PAX2: variants seen among roughly 807,000 people sequenced by gnomAD.
PAX2 encodes the protein paired box 2.
In PAX2, 9 loss-of-function variants were observed where a neutral mutation model predicts 41.7. The observed-to-expected ratio is 0.22, with a 90% confidence interval of 0.13 to 0.38. The LOEUF (loss-of-function observed/expected upper bound fraction) is 0.38, where lower values mean the gene tolerates loss of function less well. PAX2 is among the 10% of genes least tolerant of loss of function. The probability of loss-of-function intolerance (pLI) is 1.00; values close to 1 mark genes in which losing one functional copy is unlikely to be tolerated. For missense variants in PAX2, 418 were observed against 531.6 expected (o/e 0.79, Z 2.10); for synonymous variants, 221 against 212.7 (o/e 1.04, Z -0.34).
chr10:100,776,625 C>T (rs898397582), intron 3 of PAX2, among the ~76,000 whole-genome samples: 2 of 152,188 alleles, frequency 1.3e-5, no homozygotes, highest in African/African-American at 4.8e-5. Context: ...TAAATCCATA[C>T]CTCTGTGTGC....
intron 5 of PAX2, among the ~76,000 whole-genome samples, chr10:100,798,002 G>A (rs1847397989): frequency 6.6e-6 from 1 of 151,504 alleles, no homozygotes; most frequent in Non-Finnish European, 1.5e-5. Flanking sequence ...GCTTGGTCAA[G>A]TACAGCAGGT....
At chr10:100,815,341 T>G (rs962448275) in intron 7 of PAX2, among the ~76,000 whole-genome samples, 4 of 152,092 alleles carry the variant, frequency 2.6e-5, no homozygotes, top group Non-Finnish European at 5.9e-5. Context: ...GGCACAGACA[T>G]CATAGTTCCT....
chr10:100,785,483 G>A (rs1182287510), intron 5 of PAX2, among the ~76,000 whole-genome samples: 1 of 152,184 alleles, frequency 6.6e-6, no homozygotes, highest in Non-Finnish European at 1.5e-5. Flanking sequence ...CCAAGCTGGT[G>A]CAGTTGTGCG....
upstream of PAX2, among the ~76,000 whole-genome samples, chr10:100,742,430 G>T (rs1844992447): frequency 6.6e-6 from 1 of 151,810 alleles, no homozygotes; most frequent in Admixed American, 6.6e-5. Flanking sequence ...CAGGCCGGCA[G>T]TAGCTCGGCC....
At chr10:100,807,021 A>G (rs1051116416) in intron 6 of PAX2, among the ~76,000 whole-genome samples, 1 of 151,954 alleles carries the variant, frequency 6.6e-6, no homozygotes, top group Admixed American at 6.5e-5. Flanking sequence ...CAGAAAGTCT[A>G]CGCTAGACTG....
chr10:100,787,638 T>C (rs1846923410), intron 5 of PAX2, among the ~76,000 whole-genome samples: 1 of 152,068 alleles, frequency 6.6e-6, no homozygotes, highest in African/African-American at 2.4e-5. Context: ...AGGGCCTCGG[T>C]ATCAGCCTCA....
intron 7 of PAX2, among the ~76,000 whole-genome samples, chr10:100,810,953 C>T (rs1308426611): frequency 6.6e-6 from 1 of 152,064 alleles, no homozygotes; most frequent in African/African-American, 2.4e-5. Context: ...TCATTTCAGA[C>T]CCAGCTTGAC....
chr10:100,735,940 T>C (rs10883537), intron 1 of PAX2, among the ~76,000 whole-genome samples: 36,317 of 152,260 alleles, frequency 0.24, 4,614 homozygotes, highest in South Asian at 0.3. Context: ...CTGAAAACTT[T>C]CCACTCAGAA....
chr10:100,824,353 T>TACACATACAC lies in PAX2; in HGVS notation c.920-290_920-289insTACACACACA, dbSNP rs1848468850. ...GCACAGAGACACAGGCAAAGGCAGA[T>TACACATACAC]ACACACACACACACACACACACACA... On this transcript the variant is annotated intron_variant, in intron 7 of 9. Coordinates refer to ENST00000355243, the MANE Select transcript of PAX2 (RefSeq NM_000278.5). This position sits in a 1 kb window ranked among gnomAD's most constrained non-coding sequence, Gnocchi z 6.6. Among the ~76,000 whole-genome samples, 1 of 135,474 alleles carries TACACATACAC rather than the reference T, an allele frequency of 7.4e-6. No homozygotes were observed. The highest frequency in any genetic ancestry group is 1.6e-5 in the Non-Finnish European group (1 of 63,058). 88.9% of individuals were successfully genotyped at this position (135,474 alleles called of 152,430 possible).
Position 100,828,669 on chromosome 10 carries a change from C to G in PAX2, c.*1050C>G. On this transcript the variant is annotated 3_prime_UTR_variant, in exon 10 of 10. Coordinates refer to ENST00000355243, the MANE Select transcript of PAX2 (RefSeq NM_000278.5). The surrounding 1 kb of genome is among the most constrained non-coding windows in gnomAD (Gnocchi z 6.5). ...CTCTCAATCTGCCGGTGGTAAGAAC[C>G]GGTTCTGAGCTGGCGTCTGAGCTGC... The G allele has an allele frequency of 4.3e-6, 1 of 233,368 alleles. No individual in the cohort carries two copies. Among genetic ancestry groups the G allele is most frequent in the Non-Finnish European group, 8.5e-6 (1 of 118,028 alleles). 14.5% of individuals were successfully genotyped at this position (233,368 alleles called of 1,614,324 possible).
At chr10:100,788,884 A>T (rs1413782080) in intron 5 of PAX2, among the ~76,000 whole-genome samples, 1 of 151,966 alleles carries the variant, frequency 6.6e-6, no homozygotes, top group East Asian at 1.9e-4. Flanking sequence ...CCCGACACAC[A>T]TACATGCACA....
intron 1 of PAX2, among the ~76,000 whole-genome samples, chr10:100,740,286 G>A (rs1844907511): frequency 6.6e-6 from 1 of 152,186 alleles, no homozygotes; most frequent in Admixed American, 6.5e-5. Context: ...GGGGTGGGCA[G>A]TGAGGAATTT....
chr10:100,793,029 G>A (rs1004725215), intron 5 of PAX2, among the ~76,000 whole-genome samples: 2 of 152,144 alleles, frequency 1.3e-5, no homozygotes, highest in Non-Finnish European at 2.9e-5. Flanking sequence ...TACTTAGGGC[G>A]GCCTGGTATG....
intron 5 of PAX2, among the ~76,000 whole-genome samples, chr10:100,804,506 A>G (rs1847689320): frequency 6.6e-6 from 1 of 152,208 alleles, no homozygotes; most frequent in Non-Finnish European, 1.5e-5. Context: ...GGAGGGCTCC[A>G]GGAAGGGAGA....
rs1265500125 is a variant in PAX2, at chr10:100,750,993, C to T, written c.410+102C>T. The T allele has an allele frequency of 1.1e-6, 1 of 922,232 alleles. No individual in the cohort carries two copies. The highest frequency in any genetic ancestry group is 1.8e-6 in the Non-Finnish European group (1 of 568,982). 57.1% of individuals were successfully genotyped at this position (922,232 alleles called of 1,614,324 possible). ...CTCTGCTCTTTGTCCAGCCTCTGCC[C>T]TTTCTCCCTGCTTCCAGCCCCAAAT... On this transcript the variant is annotated intron_variant, in intron 3 of 9. Transcript: ENST00000355243. The surrounding 1 kb of genome is among the most constrained non-coding windows in gnomAD (Gnocchi z 4.1).
chr10:100,827,714 G>A lies in PAX2; in HGVS notation c.*95G>A. On this transcript the variant is annotated 3_prime_UTR_variant, in exon 10 of 10. Transcript: ENST00000355243. The surrounding 1 kb of genome is among the most constrained non-coding windows in gnomAD (Gnocchi z 8.5). ...CCCCGGAGGGAGGGAGGACCGACGC[G>A]ACGCGATGCCTCCCGGCCACCGCCC... is the stretch of plus-strand genomic sequence containing the variant. 6.2e-7 allele frequency: 1 copy of A among 1,607,144 alleles called. No homozygotes were observed. Among genetic ancestry groups the A allele is most frequent in the Non-Finnish European group, 8.5e-7 (1 of 1,175,902 alleles).
chr10:100,756,755 G>C (rs989867275), intron 3 of PAX2, among the ~76,000 whole-genome samples: 1 of 152,054 alleles, frequency 6.6e-6, no homozygotes, highest in South Asian at 2.1e-4. Flanking sequence ...ATGCTCATCC[G>C]ACCTGCCAGT....
At position 100,748,923 on chromosome 10, in the gene PAX2, GC is replaced by G. The variant is rs1261867591; in HGVS notation, c.44-822del. On this transcript the variant is annotated intron_variant, in intron 1 of 9. Coordinates refer to ENST00000355243, the MANE Select transcript of PAX2 (RefSeq NM_000278.5). The surrounding 1 kb of genome is among the most constrained non-coding windows in gnomAD (Gnocchi z 5.0). The stretch of plus-strand genomic sequence containing the variant: ...GGGCGAGACGGTGGGCCCCAACCAG[GC>G]TCTGCGAGGCGCGGCAGGCAGGCGA... 3.0e-6 allele frequency: 3 copies of G among 985,284 alleles called. No homozygotes were observed. The highest frequency in any genetic ancestry group is 3.6e-6 in the Non-Finnish European group (3 of 829,946). The allele number at this position is 985,284 out of a possible 1,614,324, so 61.0% of individuals were successfully genotyped here.
intron 5 of PAX2, among the ~76,000 whole-genome samples, chr10:100,798,128 T>C (rs12769015): frequency 0.19 from 20,848 of 108,438 alleles, 1,498 homozygotes; most frequent in Middle Eastern, 0.39. Flanking sequence ...TTTTTTTTTT[T>C]AGACAGGGTC....
Sources: gnomAD v4.1 joint callset for allele counts (sites outside exome capture counted in the v4.1 genomes callset) on GRCh38, gnomAD v4.1.1 for gene constraint, Gnocchi (gnomAD v3.1) non-coding constraint, MANE v1.5 for transcripts, NCBI Gene and HGNC (gene_info 2026-07-23, HGNC 2026-07-21) for gene names.